TRDN: variants seen among roughly 807,000 people sequenced by gnomAD.
The protein encoded by TRDN is triadin.
Under a neutral mutation model 149.7 loss-of-function variants are expected in TRDN, and 161 were observed. That is an observed-to-expected ratio of 1.08 (90% CI 0.95 to 1.23). The LOEUF (loss-of-function observed/expected upper bound fraction) is 1.23, where lower values mean the gene tolerates loss of function less well. TRDN is among the 50% of genes most tolerant of loss of function. The probability of loss-of-function intolerance (pLI) is 0.00; values close to 1 mark genes in which losing one functional copy is unlikely to be tolerated. For missense variants in TRDN, 896 were observed against 823.5 expected (o/e 1.09, Z -1.08); for synonymous variants, 294 against 250.5 (o/e 1.17, Z -1.64).
intron 12 of TRDN, among the ~76,000 whole-genome samples, chr6:123,412,983 CAT>C (rs1773504581): frequency 6.6e-6 from 1 of 151,918 alleles, no homozygotes; most frequent in South Asian, 2.1e-4. Flanking sequence ...TGTGTTCAAA[CAT>C]AGAACTAAAC....
At chr6:123,508,004 A>G (rs1484844428) in intron 7 of TRDN, among the ~76,000 whole-genome samples, 1 of 142,422 alleles carries the variant, frequency 7.0e-6, no homozygotes, top group Non-Finnish European at 1.5e-5. Context: ...AAAAAAAAGA[A>G]TCGCCACTGT....
chr6:123,318,526 GTCTCCTTCTTAGTTCTGT>G (rs1204328742), intron 23 of TRDN, among the ~76,000 whole-genome samples: 1 of 151,926 alleles, frequency 6.6e-6, no homozygotes, highest in Admixed American at 6.6e-5. Flanking sequence ...AATGATCTTG[GTCTCCTTCTTAGTTCTGT>G]TTCCGAAGTA....
chr6:123,393,746 CAG>C, intron 12 of TRDN, 69 bp from the exon 13 acceptor site: 3 of 1,399,472 alleles, frequency 2.1e-6, no homozygotes, highest in Non-Finnish European at 2.9e-6. Flanking sequence ...AAAAAAGGGA[CAG>C]GGGAGCACAA....
chr6:123,633,548 A>AT (rs5879690), intron 1 of TRDN, among the ~76,000 whole-genome samples: 41,394 of 151,940 alleles, frequency 0.27, 5,808 homozygotes, highest in East Asian at 0.43. Context: ...TTAAATGAAT[A>AT]TTTATCAAGC....
chr6:123,367,526 T>C (rs1026371986), intron 19 of TRDN, among the ~76,000 whole-genome samples: 4 of 151,902 alleles, frequency 2.6e-5, no homozygotes. Context: ...GCCCCAAGAG[T>C]CACAATTTAA....
chr6:123,306,710 T>C (rs1011251260), intron 24 of TRDN, among the ~76,000 whole-genome samples: 15 of 152,066 alleles, frequency 9.9e-5, no homozygotes, highest in Admixed American at 3.9e-4. Context: ...TATCCTTTCT[T>C]AATAAATCCT....
chr6:123,403,403 A>G (rs1319539675), intron 12 of TRDN, among the ~76,000 whole-genome samples: 4 of 152,286 alleles, frequency 2.6e-5, no homozygotes, highest in African/African-American at 7.2e-5. Context: ...GGCAGAGGCC[A>G]TAGGAAAAAA....
intron 12 of TRDN, among the ~76,000 whole-genome samples, chr6:123,409,170 T>C (rs1175325387): frequency 6.6e-6 from 1 of 152,166 alleles, no homozygotes; most frequent in African/African-American, 2.4e-5. Context: ...ACTACAATAA[T>C]AATATCATAT....
chr6:123,489,950 A>G (rs1325903483), intron 9 of TRDN, among the ~76,000 whole-genome samples: 2 of 151,806 alleles, frequency 1.3e-5, no homozygotes, highest in Admixed American at 1.3e-4. Flanking sequence ...ATTCAGAATT[A>G]TTTTTTCCAT....
intron 24 of TRDN, among the ~76,000 whole-genome samples, chr6:123,279,893 A>G (rs1777521271): frequency 6.6e-6 from 1 of 152,170 alleles, no homozygotes; most frequent in South Asian, 2.1e-4. Context: ...TTCTTTTAGC[A>G]AAGATAACAT....
chr6:123,345,541 G>T (rs1279281174), intron 21 of TRDN, among the ~76,000 whole-genome samples: 1 of 151,794 alleles, frequency 6.6e-6, no homozygotes, highest in Non-Finnish European at 1.5e-5. Context: ...GGCTCTTCTG[G>T]GTCTTTTGCC....
chr6:123,351,596 T>C, intron 21 of TRDN: 7 of 970,786 alleles, frequency 7.2e-6, no homozygotes, highest in Non-Finnish European at 8.6e-6. Context: ...ACCAATCTTT[T>C]TACTTAACTG....
At chr6:123,621,719 C>A (rs77803184) in intron 1 of TRDN, among the ~76,000 whole-genome samples, 8,107 of 152,158 alleles carry the variant, frequency 0.053, 739 homozygotes, top group African/African-American at 0.18. Context: ...CTTAGCATAA[C>A]TATGTTGTTT....
chr6:123,243,744 A>T (rs1368533217), intron 38 of TRDN, among the ~76,000 whole-genome samples: 1 of 152,136 alleles, frequency 6.6e-6, no homozygotes, highest in African/African-American at 2.4e-5. Context: ...TTGGAAATAA[A>T]CCGGTAAGTC....
intron 18 of TRDN, among the ~76,000 whole-genome samples, chr6:123,377,142 T>C (rs1310358102): frequency 6.6e-6 from 1 of 152,194 alleles, no homozygotes; most frequent in Admixed American, 6.5e-5. Flanking sequence ...AATCAGTTTT[T>C]TTCTCATCAG....
chr6:123,540,596 C>A (rs139328045), intron 4 of TRDN, among the ~76,000 whole-genome samples: 2 of 152,284 alleles, frequency 1.3e-5, no homozygotes, highest in East Asian at 3.9e-4. Flanking sequence ...CTGGGCTCAC[C>A]GCAGGCTCCG....
At chr6:123,583,614 A>G (rs117247849) in intron 1 of TRDN, among the ~76,000 whole-genome samples, 8,420 of 151,436 alleles carry the variant, frequency 0.056, 322 homozygotes, top group African/African-American at 0.084. Context: ...GACTAATAAA[A>G]GCTTGTCTGT....
intron 2 of TRDN, among the ~76,000 whole-genome samples, chr6:123,555,152 T>G (rs1455163318): frequency 6.6e-6 from 1 of 152,136 alleles, no homozygotes; most frequent in Non-Finnish European, 1.5e-5. Context: ...ACATTATACT[T>G]TAAAGCTTTT....
intron 5 of TRDN, among the ~76,000 whole-genome samples, chr6:123,521,756 CA>C (rs1357990379): frequency 1.3e-5 from 2 of 152,116 alleles, no homozygotes; most frequent in South Asian, 2.1e-4. Context: ...ACACCTGAAC[CA>C]AAAACCACTA....
Sources: gnomAD v4.1 joint callset for allele counts (sites outside exome capture counted in the v4.1 genomes callset) on GRCh38, gnomAD v4.1.1 for gene constraint, MANE v1.5 for transcripts, NCBI Gene and HGNC (gene_info 2026-07-23, HGNC 2026-07-21) for gene names.